The following PRELID2 variants were observed in gnomAD, a reference collection of about 807,000 sequenced individuals.
PRELID2 encodes PRELI domain containing 2.
Under a neutral mutation model 28.4 loss-of-function variants are expected in PRELID2, and 25 were observed. The observed-to-expected ratio is 0.88, with a 90% confidence interval of 0.64 to 1.23. The LOEUF (loss-of-function observed/expected upper bound fraction) is 1.23. PRELID2 is among the 50% of genes most tolerant of loss of function. The probability of loss-of-function intolerance (pLI) is 0.00; values close to 1 mark genes in which losing one functional copy is unlikely to be tolerated. For missense variants in PRELID2, 201 were observed against 214.4 expected, an observed-to-expected ratio of 0.94 and a Z score of 0.39; for synonymous variants, 76 against 71.6, an observed-to-expected ratio of 1.06 and a Z score of -0.31.
chr5:145,242,204 G>A, the PRELID2 span, among the ~76,000 whole-genome samples: 1 of 148,860 alleles, frequency 6.7e-6, no homozygotes, highest in Non-Finnish European at 1.5e-5. Flanking sequence ...GAGCTTTCAA[G>A]CAAAAAATTT....
intron 1 of PRELID2, among the ~76,000 whole-genome samples, chr5:145,555,865 C>A (rs994623477): frequency 6.6e-6 from 1 of 152,078 alleles, no homozygotes; most frequent in Non-Finnish European, 1.5e-5. Context: ...GCCACTGCTT[C>A]CATGAGATTC....
chr5:145,594,790 A>G (rs897966030), intron 1 of PRELID2, among the ~76,000 whole-genome samples: 6 of 152,142 alleles, frequency 3.9e-5, no homozygotes, highest in African/African-American at 1.2e-4. Context: ...CTATTTTTTA[A>G]GCAATGAACT....
intron 1 of PRELID2, among the ~76,000 whole-genome samples, chr5:145,523,475 A>G (rs956324551): frequency 8.5e-5 from 13 of 152,182 alleles, no homozygotes; most frequent in Admixed American, 3.3e-4. Flanking sequence ...GGAAGACTTA[A>G]ACAACAAAAA....
the PRELID2 span, among the ~76,000 whole-genome samples, chr5:145,380,422 G>A: frequency 6.6e-6 from 1 of 152,094 alleles, no homozygotes; most frequent in African/African-American, 2.4e-5. Flanking sequence ...GTTTCACCTG[G>A]CTGCTCTAAT....
At chr5:145,755,529 T>C (rs1411042941), downstream of PRELID2, among the ~76,000 whole-genome samples, 1 of 152,320 alleles carries the variant, frequency 6.6e-6, no homozygotes, top group East Asian at 1.9e-4. Flanking sequence ...CAGTTAATAA[T>C]GTAAAAAAGA....
intron 1 of PRELID2, among the ~76,000 whole-genome samples, chr5:145,538,686 C>T (rs1046561725): frequency 6.6e-6 from 1 of 151,920 alleles, no homozygotes; most frequent in African/African-American, 2.4e-5. Context: ...TTTTATTTTT[C>T]CTGCTTTCAT....
the PRELID2 span, among the ~76,000 whole-genome samples, chr5:145,231,886 C>A: frequency 6.6e-6 from 1 of 152,136 alleles, no homozygotes; most frequent in Admixed American, 6.5e-5. Context: ...GAGACATCAG[C>A]CCCAAAATGA....
intron 1 of PRELID2, among the ~76,000 whole-genome samples, chr5:145,700,200 C>T (rs944259687): frequency 1.3e-5 from 2 of 149,766 alleles, no homozygotes; most frequent in Non-Finnish European, 3.0e-5. Flanking sequence ...AGCATCCCCC[C>T]CAACTTTCCA....
intron 1 of PRELID2, 91 bp downstream of exon 1, chr5:145,835,086 G>C: frequency 1.2e-6 from 1 of 853,430 alleles, no homozygotes; most frequent in South Asian, 1.6e-5. Flanking sequence ...AGAGACACTG[G>C]CGGTGCCAGC....
chr5:145,369,936 T>C, the PRELID2 span, among the ~76,000 whole-genome samples: 2 of 151,808 alleles, frequency 1.3e-5, no homozygotes, highest in Non-Finnish European at 1.5e-5. Context: ...TATCTGTTCA[T>C]ATACTTTGCC....
intron 5 of PRELID2, among the ~76,000 whole-genome samples, chr5:145,772,195 C>CA (rs1758150145): frequency 2.7e-5 from 4 of 145,800 alleles, no homozygotes; most frequent in Admixed American, 2.1e-4. Context: ...CCCATCTCCC[C>CA]TTTTTTTTTT....
At chr5:145,410,890 C>T in the PRELID2 span, among the ~76,000 whole-genome samples, 3 of 152,214 alleles carry the variant, frequency 2.0e-5, no homozygotes, top group Admixed American at 6.5e-5. Context: ...TCCAAAGTCT[C>T]ATCTGAGTCA....
At chr5:145,569,259 A>C (rs1263923764) in intron 1 of PRELID2, among the ~76,000 whole-genome samples, 2 of 152,230 alleles carry the variant, frequency 1.3e-5, no homozygotes, top group African/African-American at 4.8e-5. Context: ...ATTAATAAAG[A>C]AGGAACTTAT....
At chr5:145,651,291 CA>C (rs1754293229) in intron 1 of PRELID2, among the ~76,000 whole-genome samples, 1 of 152,082 alleles carries the variant, frequency 6.6e-6, no homozygotes, top group Non-Finnish European at 1.5e-5. Flanking sequence ...CACTGCAGGT[CA>C]AGGAGGCCTG....
the PRELID2 span, among the ~76,000 whole-genome samples, chr5:145,323,485 G>T: frequency 6.6e-6 from 1 of 152,150 alleles, no homozygotes; most frequent in African/African-American, 2.4e-5. Flanking sequence ...TTTATTTTAG[G>T]TTCAGGTGTA....
chr5:145,485,260 T>C (rs1200178441), intron 1 of PRELID2, among the ~76,000 whole-genome samples: 1 of 152,210 alleles, frequency 6.6e-6, no homozygotes. Flanking sequence ...CAGGACAATC[T>C]GAGGACAGGG....
chr5:145,684,004 C>A (rs759934272), intron 1 of PRELID2, among the ~76,000 whole-genome samples: 3 of 152,094 alleles, frequency 2.0e-5, no homozygotes, highest in Non-Finnish European at 2.9e-5. Context: ...TTCCAGGAAG[C>A]AAAACAGTCT....
At chr5:145,727,758 G>A (rs1756215072) in intron 1 of PRELID2, among the ~76,000 whole-genome samples, 2 of 152,120 alleles carry the variant, frequency 1.3e-5, no homozygotes, top group South Asian at 2.1e-4. Flanking sequence ...TGTCTCCCAT[G>A]GTCTATTTAG....
chr5:145,728,515 T>C (rs1654238), intron 1 of PRELID2: 119,157 of 717,590 alleles, frequency 0.17, 11,232 homozygotes, highest in African/African-American at 0.29. Flanking sequence ...CAGAGTTTGG[T>C]CCTTGCAAAT....
Sources: allele counts gnomAD v4.1 joint callset (sites outside exome capture counted in the v4.1 genomes callset), GRCh38; gene constraint gnomAD v4.1.1; transcripts MANE v1.5; gene names NCBI Gene and HGNC (gene_info 2026-07-23, HGNC 2026-07-21).